The following LRRTM3 variants were observed in gnomAD, a reference collection of about 807,000 sequenced individuals.
LRRTM3 encodes the protein leucine rich repeat transmembrane neuronal 3, also known as leucine-rich repeat transmembrane neuronal protein 3.
In LRRTM3, 24 loss-of-function variants were observed where a neutral mutation model predicts 44.7. That is an observed-to-expected ratio of 0.54 (90% CI 0.39 to 0.76). The LOEUF is 0.76. Among genes scored for constraint, LRRTM3 ranks in the 30% least tolerant of loss-of-function variants. The probability of loss-of-function intolerance (pLI) is 0.00; values close to 1 mark genes in which losing one functional copy is unlikely to be tolerated. For missense variants in LRRTM3, 587 were observed against 702.2 expected (o/e 0.84, Z 1.85); for synonymous variants, 277 against 278.7 (o/e 0.99, Z 0.06).
chr10:67,071,217 C>T (rs1213345304), intron 2 of LRRTM3, among the ~76,000 whole-genome samples: 2 of 152,194 alleles, frequency 1.3e-5, no homozygotes, highest in Non-Finnish European at 2.9e-5. Context: ...CAGATATTTC[C>T]AAGGTTCTAT....
intron 2 of LRRTM3, among the ~76,000 whole-genome samples, chr10:67,091,041 A>T (rs1007864615): frequency 3.3e-5 from 5 of 152,040 alleles, no homozygotes; most frequent in African/African-American, 4.8e-5. Flanking sequence ...TCTTAATATT[A>T]CTCAAATAAT....
chr10:67,073,882 T>G (rs1856593966), intron 2 of LRRTM3, among the ~76,000 whole-genome samples: 1 of 152,206 alleles, frequency 6.6e-6, no homozygotes, highest in Non-Finnish European at 1.5e-5. Context: ...ATTTTACTGA[T>G]GAGTTAACTT....
chr10:67,073,030 C>T (rs969890978), intron 2 of LRRTM3, among the ~76,000 whole-genome samples: 18 of 152,212 alleles, frequency 1.2e-4, no homozygotes, highest in African/African-American at 4.3e-4. Flanking sequence ...TCCCCAAAGA[C>T]ACCTTCCGCC....
intron 2 of LRRTM3, among the ~76,000 whole-genome samples, chr10:67,074,402 G>A (rs1033020492): frequency 8.0e-6 from 1 of 125,514 alleles, no homozygotes. Flanking sequence ...CCAGGCTGAA[G>A]TGCAGTGGCA....
intron 2 of LRRTM3, among the ~76,000 whole-genome samples, chr10:67,074,646 A>G (rs1481008164): frequency 6.6e-6 from 1 of 152,116 alleles, no homozygotes; most frequent in Non-Finnish European, 1.5e-5. Context: ...CACCGCGCCC[A>G]ACCCACTTTA....
intron 2 of LRRTM3, among the ~76,000 whole-genome samples, chr10:67,090,412 A>G (rs904236013): frequency 1.3e-5 from 2 of 152,092 alleles, no homozygotes; most frequent in African/African-American, 4.8e-5. Flanking sequence ...ATAAGAGCTA[A>G]ATGTTGAGAA....
At chr10:67,086,809 ATGTT>A (rs1857337811) in intron 2 of LRRTM3, among the ~76,000 whole-genome samples, 1 of 151,998 alleles carries the variant, frequency 6.6e-6, no homozygotes, top group African/African-American at 2.4e-5. Context: ...AGTATCTGTT[ATGTT>A]TGTTTGCTTT....
At chr10:66,968,915 G>A (rs145290843) in intron 2 of LRRTM3, among the ~76,000 whole-genome samples, 1,850 of 152,066 alleles carry the variant, frequency 0.012, 25 homozygotes, top group Non-Finnish European at 0.017. Flanking sequence ...TGCTGGGGGC[G>A]CTGAGGCAGG....
rs535079132 is a variant in LRRTM3, at chr10:67,049,251, C to T, written c.1537-48336C>T. Reference sequence around the variant, plus strand: ...GTTATTTCCATATTGATCATGTAGACCGTGCCTGATAAGGTAAGAGGTCTA... The same window carrying T: ...GTTATTTCCATATTGATCATGTAGATCGTGCCTGATAAGGTAAGAGGTCTA... On this transcript the variant is annotated intron_variant, in intron 2 of 2. Coordinates refer to ENST00000361320, the MANE Select transcript of LRRTM3 (RefSeq NM_178011.5). Among the ~76,000 whole-genome samples the T allele has an allele frequency of 6.1e-4, 93 of 152,096 alleles. 1 individual carries two copies. Among genetic ancestry groups the T allele is most frequent in the Admixed American group, 4.0e-3 (61 of 15,262 alleles).
chr10:67,001,248 C>T (rs1851668899), intron 2 of LRRTM3, among the ~76,000 whole-genome samples: 1 of 149,174 alleles, frequency 6.7e-6, no homozygotes, highest in Non-Finnish European at 1.5e-5. Context: ...TTGCAGTGAG[C>T]CGAGATGGAG....
chr10:67,075,584 T>C (rs1454773986), intron 2 of LRRTM3, among the ~76,000 whole-genome samples: 2 of 152,190 alleles, frequency 1.3e-5, no homozygotes, highest in Admixed American at 6.5e-5. Flanking sequence ...AAGTAAGATA[T>C]AGACAAAGTG....
chr10:66,966,515 T>C (rs1319283149), intron 2 of LRRTM3, among the ~76,000 whole-genome samples: 1 of 150,872 alleles, frequency 6.6e-6, no homozygotes, highest in African/African-American at 2.4e-5. Context: ...CCTTTCAGAT[T>C]ATTCAAAGAA....
chr10:66,976,783 T>C (rs942780), intron 2 of LRRTM3, among the ~76,000 whole-genome samples: 30,528 of 152,180 alleles, frequency 0.2, 3,183 homozygotes, highest in East Asian at 0.37. Flanking sequence ...TTAAATTTCA[T>C]GTAAATGATT....
At chr10:66,934,393 C>G (rs571974494) in intron 2 of LRRTM3, among the ~76,000 whole-genome samples, 1 of 152,088 alleles carries the variant, frequency 6.6e-6, no homozygotes, top group African/African-American at 2.4e-5. Context: ...AAATGTCTTC[C>G]TTTATAAACC....
intron 2 of LRRTM3, among the ~76,000 whole-genome samples, chr10:66,930,143 A>G (rs965014910): frequency 2.6e-5 from 4 of 152,214 alleles, no homozygotes; most frequent in African/African-American, 9.6e-5. Context: ...AGGATGCCAG[A>G]TCATTAAAAT....
chr10:67,002,836 T>A lies in LRRTM3; in HGVS notation c.1536+74384T>A, dbSNP rs189826541. Among the ~76,000 whole-genome samples, 616 of 152,268 alleles carry A rather than the reference T, an allele frequency of 4.0e-3. 4 individuals carry two copies. Among genetic ancestry groups the A allele is most frequent in the Admixed American group, 9.7e-3 (149 of 15,284 alleles). On this transcript the variant is annotated intron_variant, in intron 2 of 2. Transcript: ENST00000361320. ...AGCATGTATTTGATTATGAATGTCT[T>A]CATATAAATAAAAAACAATTTTTTA...
chr10:67,012,118 G>GTCTA (rs1852376439), intron 2 of LRRTM3, among the ~76,000 whole-genome samples: 1 of 152,208 alleles, frequency 6.6e-6, no homozygotes, highest in Non-Finnish European at 1.5e-5. Flanking sequence ...TGGCTCTGGA[G>GTCTA]TCTACATTCT....
chr10:67,064,021 T>C (rs928163352), intron 2 of LRRTM3, among the ~76,000 whole-genome samples: 8 of 152,208 alleles, frequency 5.3e-5, no homozygotes, highest in African/African-American at 1.7e-4. Flanking sequence ...TCTATGCACG[T>C]GTGCTTTGGC....
At chr10:67,045,766 C>A (rs1022221609) in intron 2 of LRRTM3, among the ~76,000 whole-genome samples, 3 of 152,026 alleles carry the variant, frequency 2.0e-5, no homozygotes, top group Non-Finnish European at 4.4e-5. Context: ...GAGGAGAAAC[C>A]GAACTGGAGA....
Sources: gnomAD v4.1 joint callset for allele counts (sites outside exome capture counted in the v4.1 genomes callset) on GRCh38, gnomAD v4.1.1 for gene constraint, MANE v1.5 for transcripts, NCBI Gene and HGNC (gene_info 2026-07-23, HGNC 2026-07-21) for gene names.